FGD6: variants seen among roughly 807,000 people sequenced by gnomAD.
FGD6 encodes FYVE, RhoGEF and PH domain containing 6.
Under a neutral mutation model 149.4 loss-of-function variants are expected in FGD6, and 90 were observed. The observed-to-expected ratio is 0.60, with a 90% CI of 0.51 to 0.72. The LOEUF (loss-of-function observed/expected upper bound fraction) is 0.72. Ranked by LOEUF, FGD6 falls within the 30% of genes least tolerant of loss-of-function variation. The probability of loss-of-function intolerance (pLI) is 0.00; values close to 1 mark genes in which losing one functional copy is unlikely to be tolerated. For synonymous variants in FGD6, 527 were observed against 584.0 expected, an observed-to-expected ratio of 0.90 and a Z score of 1.41; for missense variants, 1,437 against 1,684.8, an observed-to-expected ratio of 0.85 and a Z score of 2.57.
chr12:95,137,930 T>C (rs1329581696), intron 6 of FGD6, among the ~76,000 whole-genome samples: 1 of 152,078 alleles, frequency 6.6e-6, no homozygotes. Context: ...TCTTAAAAAA[T>C]GTTTACCATG....
intron 15 of FGD6, among the ~76,000 whole-genome samples, chr12:95,093,601 G>C (rs915159639): frequency 1.3e-5 from 2 of 151,980 alleles, no homozygotes; most frequent in African/African-American, 4.8e-5. Context: ...GCTTGAACCT[G>C]GGAGGCGGAG....
intron 1 of FGD6, among the ~76,000 whole-genome samples, chr12:95,216,316 A>C (rs1022551510): frequency 1.3e-5 from 2 of 152,248 alleles, no homozygotes; most frequent in African/African-American, 2.4e-5. Context: ...TAACCTTGAG[A>C]AGAAGCTTTA....
At chr12:95,157,997 A>G (rs1405914044) in intron 3 of FGD6, among the ~76,000 whole-genome samples, 2 of 151,020 alleles carry the variant, frequency 1.3e-5, no homozygotes, top group Middle Eastern at 3.2e-3. Flanking sequence ...ACAGGCATGC[A>G]CTACTACACT....
At chr12:95,185,794 G>A (rs1881413088) in intron 2 of FGD6, among the ~76,000 whole-genome samples, 1 of 152,190 alleles carries the variant, frequency 6.6e-6, no homozygotes, top group Non-Finnish European at 1.5e-5. Flanking sequence ...CTGGGAGGCA[G>A]AGGTTGCAGT....
intron 2 of FGD6, among the ~76,000 whole-genome samples, chr12:95,177,827 C>T (rs1881175058): frequency 6.6e-6 from 1 of 152,110 alleles, no homozygotes. Flanking sequence ...GAAACATTTC[C>T]TTCTGTTACT....
At chr12:95,116,230 T>C (rs1282327585) in intron 8 of FGD6, among the ~76,000 whole-genome samples, 1 of 152,204 alleles carries the variant, frequency 6.6e-6, no homozygotes, top group Non-Finnish European at 1.5e-5. Context: ...AACATTTCTA[T>C]GGCTGACAGT....
At chr12:95,162,752 G>A (rs1880684440) in intron 3 of FGD6, among the ~76,000 whole-genome samples, 1 of 152,144 alleles carries the variant, frequency 6.6e-6, no homozygotes, top group Non-Finnish European at 1.5e-5. Context: ...CAATCCATCA[G>A]CTACTCCTAT....
chr12:95,206,221 G>A (rs1461513660), intron 2 of FGD6, among the ~76,000 whole-genome samples: 4 of 151,202 alleles, frequency 2.6e-5, no homozygotes, highest in East Asian at 1.9e-4. Flanking sequence ...CAAATAAAGT[G>A]ATTAAAAAAA....
chr12:95,106,494 C>T (rs1307577527), intron 13 of FGD6, among the ~76,000 whole-genome samples: 1 of 150,440 alleles, frequency 6.6e-6, no homozygotes, highest in African/African-American at 2.4e-5. Flanking sequence ...CTATGTTGGT[C>T]AGGCTGATCT....
In FGD6 at chr12:95,092,774, T is replaced by C. The variant is rs566417912; in HGVS notation, c.3672A>G (p.Arg1224=). The change falls in exon 16 of 21, where the codon AGA becomes AGG. Residue 1224 remains arginine (R), a synonymous_variant. Coordinates refer to ENST00000343958, the MANE Select transcript of FGD6 (RefSeq NM_018351.4). ...TTGTGCAGATCATACACATTGTGGC[T>C]CTGGTATCAGGAATCCAGATGGGAG... ...SKAPIWIPDT[R]ATMCMICTSE... is the part of the protein sequence containing the mutation. 12 of 1,614,162 alleles carry C rather than the reference T, an allele frequency of 7.4e-6. No individual in the cohort carries two copies. The South Asian group carries it at 1.3e-4, about 18-fold the overall frequency.
At chr12:95,207,190 C>G (rs1243233055) in intron 2 of FGD6, among the ~76,000 whole-genome samples, 2 of 152,068 alleles carry the variant, frequency 1.3e-5, no homozygotes, top group Admixed American at 6.6e-5. Context: ...TCTGATGGTT[C>G]TATAATGGGC....
intron 9 of FGD6, among the ~76,000 whole-genome samples, chr12:95,112,384 G>A (rs1878854800): frequency 6.6e-6 from 1 of 152,120 alleles, no homozygotes; most frequent in Non-Finnish European, 1.5e-5. Context: ...CAGATCACTT[G>A]AGGTCAGGAG....
intron 2 of FGD6, among the ~76,000 whole-genome samples, chr12:95,181,523 A>G (rs1881280958): frequency 6.6e-6 from 1 of 152,260 alleles, no homozygotes; most frequent in Admixed American, 6.5e-5. Context: ...CAAGCACTAC[A>G]TAAAATAAAT....
rs1408862263 is a variant in FGD6 at position 95,117,938 on chromosome 12, G to C, written c.3083-4237C>G. ...TGCCTGTAATCCCAGCTACTCAGGAGGCTGAGGCAGGAGACTCGCTTGAAC... is the reference window on the plus strand; with the variant it reads ...TGCCTGTAATCCCAGCTACTCAGGACGCTGAGGCAGGAGACTCGCTTGAAC... On this transcript the variant is annotated intron_variant, in intron 8 of 20. Transcript: ENST00000343958. Among the ~76,000 whole-genome samples the C allele has an allele frequency of 2.0e-5, 3 of 152,180 alleles. No individual in the cohort carries two copies. In the East Asian group the frequency reaches 5.8e-4, roughly 29 times the overall value.
chr12:95,150,643 C>T (rs1021409750), intron 5 of FGD6, among the ~76,000 whole-genome samples: 1 of 151,494 alleles, frequency 6.6e-6, no homozygotes, highest in Admixed American at 6.6e-5. Flanking sequence ...AAAGGGTTTG[C>T]TGTGTCATCC....
At chr12:95,083,030 T>TATATATATATATATATATATATATAC (rs772685891) in intron 20 of FGD6, among the ~76,000 whole-genome samples, 8 of 56,576 alleles carry the variant, frequency 1.4e-4, no homozygotes, top group African/African-American at 1.6e-4. Context: ...TATATATATA[T>TATATATATATATATATATATATATAC]ACACACACAT....
intron 3 of FGD6, among the ~76,000 whole-genome samples, chr12:95,157,650 A>AGTAATTT (rs2136275733): frequency 6.6e-6 from 1 of 152,304 alleles, no homozygotes; most frequent in South Asian, 2.1e-4. Context: ...TGTGAAAATA[A>AGTAATTT]TCTTTAAATG....
chr12:95,134,988 G>A (rs1395890205), intron 7 of FGD6, among the ~76,000 whole-genome samples, 162 bp from the exon 8 acceptor site: 1 of 152,214 alleles, frequency 6.6e-6, no homozygotes, highest in Non-Finnish European at 1.5e-5. Context: ...GATACACTGA[G>A]AGTGAACCCC....
intron 7 of FGD6, among the ~76,000 whole-genome samples, chr12:95,136,849 T>A (rs963195580): frequency 6.6e-6 from 1 of 152,228 alleles, no homozygotes; most frequent in Non-Finnish European, 1.5e-5. Context: ...GTTTTGCAAG[T>A]TGAAAAGAGT....
Sources: gnomAD v4.1 joint callset for allele counts (sites outside exome capture counted in the v4.1 genomes callset) on GRCh38, gnomAD v4.1.1 for gene constraint, MANE v1.5 for transcripts, NCBI Gene and HGNC (gene_info 2026-07-23, HGNC 2026-07-21) for gene names.